Variants in NELL1 observed in about 807,000 individuals in gnomAD.
NELL1 encodes neural EGFL like 1.
NELL1 carries 76 observed loss-of-function variants against 107.4 expected under a neutral mutation model. The ratio of observed to expected loss-of-function variants is 0.71; its 90% CI spans 0.59 to 0.86. The LOEUF (loss-of-function observed/expected upper bound fraction) is 0.86, where lower values mean the gene tolerates loss of function less well. NELL1 is among the 40% of genes least tolerant of loss of function. The pLI is 0.00. For synonymous variants in NELL1, 353 were observed against 341.2 expected, an observed-to-expected ratio of 1.03 and a Z score of -0.38; for missense variants, 1,024 against 1,005.5, an observed-to-expected ratio of 1.02 and a Z score of -0.25.
At chr11:21,081,286 T>G (rs1439288644) in intron 12 of NELL1, among the ~76,000 whole-genome samples, 1 of 152,164 alleles carries the variant, frequency 6.6e-6, no homozygotes, top group African/African-American at 2.4e-5. Context: ...CCTTGCCACC[T>G]TTCTAATTAC....
intron 14 of NELL1, among the ~76,000 whole-genome samples, chr11:21,311,765 T>A (rs1441751271): frequency 6.6e-6 from 1 of 152,172 alleles, no homozygotes; most frequent in Non-Finnish European, 1.5e-5. Flanking sequence ...CTTTACATAT[T>A]GTCTCAGTTA....
At chr11:20,858,276 G>A (rs1848918814) in intron 4 of NELL1, among the ~76,000 whole-genome samples, 1 of 152,124 alleles carries the variant, frequency 6.6e-6, no homozygotes, top group Admixed American at 6.5e-5. Flanking sequence ...TTCTGATGAG[G>A]CATAGTATAC....
intron 12 of NELL1, among the ~76,000 whole-genome samples, chr11:21,036,575 A>G (rs1298704910): frequency 1.3e-5 from 2 of 152,080 alleles, no homozygotes; most frequent in African/African-American, 4.8e-5. Context: ...CTCCAATTAG[A>G]CTTGCATTCT....
chr11:21,236,696 G>A (rs570724857), intron 14 of NELL1, among the ~76,000 whole-genome samples: 12 of 152,184 alleles, frequency 7.9e-5, no homozygotes, highest in Non-Finnish European at 1.6e-4. Flanking sequence ...TTTGCATAAT[G>A]TCTGTTTGAA....
At chr11:20,927,489 G>A in intron 8 of NELL1, 47 bp downstream of exon 8, 1 of 1,568,244 alleles carries the variant, frequency 6.4e-7, no homozygotes, top group Non-Finnish European at 8.6e-7. Flanking sequence ...TTTAAGGGGA[G>A]AGGTTTGATA....
At chr11:21,465,040 T>G (rs950717604) in intron 15 of NELL1, among the ~76,000 whole-genome samples, 2 of 152,080 alleles carry the variant, frequency 1.3e-5, no homozygotes, top group Admixed American at 6.6e-5. Flanking sequence ...GTAGAGAGTC[T>G]GATACAATGA....
chr11:21,528,444 G>C (rs941130275), intron 15 of NELL1, among the ~76,000 whole-genome samples: 2 of 149,922 alleles, frequency 1.3e-5, no homozygotes, highest in African/African-American at 4.9e-5. Flanking sequence ...TAGCTCCCAT[G>C]GAGTCTGGTT....
At chr11:21,483,180 T>A (rs2133902708) in intron 15 of NELL1, among the ~76,000 whole-genome samples, 1 of 152,222 alleles carries the variant, frequency 6.6e-6, no homozygotes, top group East Asian at 1.9e-4. Flanking sequence ...ATGGTGCAAG[T>A]CAAGGCCAGA....
chr11:21,360,371 T>A (rs1437840278), intron 14 of NELL1, among the ~76,000 whole-genome samples: 1 of 152,192 alleles, frequency 6.6e-6, no homozygotes, highest in Non-Finnish European at 1.5e-5. Context: ...ATAATTTCAA[T>A]TTTTAAAAAT....
intron 3 of NELL1, among the ~76,000 whole-genome samples, chr11:20,796,666 T>C (rs1857174589): frequency 6.6e-6 from 1 of 152,188 alleles, no homozygotes; most frequent in Non-Finnish European, 1.5e-5. Context: ...GACCGTAAGC[T>C]GTCTTGTCAG....
At chr11:21,135,930 C>T (rs755635163) in intron 13 of NELL1, among the ~76,000 whole-genome samples, 8 of 152,124 alleles carry the variant, frequency 5.3e-5, no homozygotes, top group Admixed American at 2.0e-4. Flanking sequence ...TATTCTAGCA[C>T]GTGAGCCCCC....
intron 13 of NELL1, among the ~76,000 whole-genome samples, chr11:21,222,155 G>A (rs1857773311): frequency 6.6e-6 from 1 of 151,750 alleles, no homozygotes; most frequent in Admixed American, 6.6e-5. Flanking sequence ...TTGTTTCTTT[G>A]ATCTTTTGTA....
At chr11:21,261,941 A>G (rs1230892486) in intron 14 of NELL1, among the ~76,000 whole-genome samples, 7 of 151,740 alleles carry the variant, frequency 4.6e-5, no homozygotes, top group Non-Finnish European at 7.4e-5. Context: ...TGATATTTTT[A>G]AGTTTTCATT....
chr11:21,420,560 A>G (rs1281677367), intron 15 of NELL1, among the ~76,000 whole-genome samples: 1 of 152,178 alleles, frequency 6.6e-6, no homozygotes, highest in Non-Finnish European at 1.5e-5. Context: ...AATTGGCACC[A>G]TAAAATACCT....
At chr11:21,291,662 G>T (rs1440909250) in intron 14 of NELL1, among the ~76,000 whole-genome samples, 1 of 152,072 alleles carries the variant, frequency 6.6e-6, no homozygotes, top group South Asian at 2.1e-4. Context: ...ATGAACATCA[G>T]TGCAGAAATC....
intron 14 of NELL1, among the ~76,000 whole-genome samples, chr11:21,308,980 T>G (rs1331312508): frequency 6.6e-6 from 1 of 151,818 alleles, no homozygotes; most frequent in Non-Finnish European, 1.5e-5. Flanking sequence ...TGGTGTTAAC[T>G]TTCAGCTAAA....
At chr11:21,170,773 A>T (rs1229084310) in intron 13 of NELL1, among the ~76,000 whole-genome samples, 1 of 150,982 alleles carries the variant, frequency 6.6e-6, no homozygotes, top group African/African-American at 2.4e-5. Context: ...ACAAGTGAAA[A>T]AATTTACATT....
At chr11:20,766,320 G>A (rs1182140022) in intron 2 of NELL1, among the ~76,000 whole-genome samples, 1 of 152,202 alleles carries the variant, frequency 6.6e-6, no homozygotes, top group African/African-American at 2.4e-5. Flanking sequence ...AAAGCAGGGA[G>A]TGCAACCAGA....
chr11:21,348,334 T>C (rs1230874221), intron 14 of NELL1, among the ~76,000 whole-genome samples: 1 of 152,192 alleles, frequency 6.6e-6, no homozygotes, highest in Non-Finnish European at 1.5e-5. Flanking sequence ...ACTGAACATG[T>C]GGTATTCACT....
Sources: gnomAD v4.1 joint callset for allele counts (sites outside exome capture counted in the v4.1 genomes callset) on GRCh38, gnomAD v4.1.1 for gene constraint, MANE v1.5 for transcripts, NCBI Gene and HGNC (gene_info 2026-07-23, HGNC 2026-07-21) for gene names.